Variants in CRYBB1 observed in about 807,000 individuals in gnomAD.
CRYBB1 encodes crystallin beta B1.
CRYBB1 carries 16 observed loss-of-function variants against 29.5 expected under a neutral mutation model. The observed-to-expected ratio is 0.54, with a 90% confidence interval of 0.37 to 0.82. The LOEUF is 0.82. Ranked by LOEUF, CRYBB1 falls within the 40% of genes least tolerant of loss-of-function variation. The pLI, the probability that CRYBB1 is intolerant of heterozygous loss-of-function variation, is 0.00. For synonymous variants in CRYBB1, 127 were observed against 136.7 expected (o/e 0.93, Z 0.49); for missense variants, 300 against 350.5 (o/e 0.86, Z 1.15).
chr22:26,607,032 T>C (rs997714525), intron 4 of CRYBB1, among the ~76,000 whole-genome samples: 5 of 149,262 alleles, frequency 3.3e-5, no homozygotes, highest in African/African-American at 5.0e-5. Flanking sequence ...TTTTTTTTTT[T>C]TTTTTTTTGA....
intron 4 of CRYBB1, 118 bp from the exon 5 acceptor site, chr22:26,602,139 A>G (rs927031762): frequency 1.5e-6 from 2 of 1,306,250 alleles, no homozygotes; most frequent in African/African-American, 2.9e-5. Context: ...CTGCTGGGGG[A>G]CTCTCCAGGG....
chr22:26,606,428 C>T (rs4820690), intron 4 of CRYBB1, among the ~76,000 whole-genome samples: 26,956 of 152,132 alleles, frequency 0.18, 3,136 homozygotes, highest in East Asian at 0.38. Flanking sequence ...TATGACACAT[C>T]TCCATTTAGC....
intron 2 of CRYBB1, among the ~76,000 whole-genome samples, chr22:26,614,196 T>C (rs774402389): frequency 1.3e-5 from 2 of 152,212 alleles, no homozygotes; most frequent in Non-Finnish European, 2.9e-5. Context: ...TGCCCTGTGA[T>C]ATTCTATTAC....
At chr22:26,617,038 C>T (rs939962420) in intron 1 of CRYBB1, among the ~76,000 whole-genome samples, 2 of 152,204 alleles carry the variant, frequency 1.3e-5, no homozygotes, top group South Asian at 2.1e-4. Flanking sequence ...AATGCATGCT[C>T]CCAGCTCCTT....
chr22:26,614,592 C>T (rs566168079), intron 2 of CRYBB1, among the ~76,000 whole-genome samples: 16 of 152,088 alleles, frequency 1.1e-4, no homozygotes, highest in East Asian at 3.9e-4. Context: ...AATGAATGGC[C>T]GGCAGTCATG....
chr22:26,599,517 A>G lies in CRYBB1; in HGVS notation c.732T>C (p.Pro244=), dbSNP rs150927400. 3.6e-5 allele frequency: 58 copies of G among 1,613,264 alleles called. No homozygotes were observed. Among genetic ancestry groups the G allele is most frequent in the Non-Finnish European group, 4.4e-5 (52 of 1,180,024 alleles). ...DKQWHLEGSF[P]VLATEPPK ...ACTTGGGGGGCTCTGTGGCCAGGAC[A>G]GGGAAGGACCCCTCGAGGTGCCACT... The change falls in exon 6 of 6, where the codon CCT becomes CCC. Residue 244 remains proline, a synonymous_variant. Coordinates refer to ENST00000647684, the MANE Select transcript of CRYBB1 (RefSeq NM_001887.4).
Position 26,599,329 on chromosome 22 carries a change from G to A in CRYBB1, c.*161C>T. On this transcript the variant is annotated 3_prime_UTR_variant, in exon 6 of 6. Transcript: ENST00000647684. ...TATCGTTGTAATTATTAAGAGCGAGGAAGTCACATCCCAGTAACTATGGGG... is the reference window on the plus strand; with the variant it reads ...TATCGTTGTAATTATTAAGAGCGAGAAAGTCACATCCCAGTAACTATGGGG... The A allele has an allele frequency of 6.1e-6, 4 of 656,802 alleles. No homozygotes were observed. 40.7% of individuals were successfully genotyped at this position (656,802 alleles called of 1,614,324 possible). A position where few individuals can be genotyped will look rare whatever the true frequency, so the allele number is the denominator to read the frequency against.
chr22:26,602,138 G>T, intron 4 of CRYBB1, 117 bp from the exon 5 acceptor site: 2 of 1,306,220 alleles, frequency 1.5e-6, no homozygotes, highest in Non-Finnish European at 1.1e-6. Flanking sequence ...GCTGCTGGGG[G>T]ACTCTCCAGG....
chr22:26,599,914 T>TG (rs1291161980), intron 5 of CRYBB1, among the ~76,000 whole-genome samples: 1 of 152,144 alleles, frequency 6.6e-6, no homozygotes, highest in East Asian at 1.9e-4. Flanking sequence ...TTAAGAGTGC[T>TG]GGGGGGGACC....
At chr22:26,617,678 CCTGT>C (rs980275911) in intron 1 of CRYBB1, among the ~76,000 whole-genome samples, 12 of 152,144 alleles carry the variant, frequency 7.9e-5, no homozygotes, top group South Asian at 2.1e-4. Context: ...TGCCTATCTG[CCTGT>C]CTGTTTCTCT....
Position 26,604,108 on chromosome 22 carries a change from G to T in CRYBB1, c.433-2087C>A, listed in dbSNP as rs180738303. ...ATCATGCACTGTTTTAGGCCCAAGGGTTTGAAGAGCCAAAGAGATGAACAG... is the reference window on the plus strand; with the variant it reads ...ATCATGCACTGTTTTAGGCCCAAGGTTTTGAAGAGCCAAAGAGATGAACAG... On this transcript the variant is annotated intron_variant, in intron 4 of 5. Coordinates refer to ENST00000647684, the MANE Select transcript of CRYBB1 (RefSeq NM_001887.4). Among the ~76,000 whole-genome samples the T allele has an allele frequency of 5.8e-4, 88 of 152,056 alleles. 1 individual carries two copies. In the East Asian group the frequency reaches 0.016, roughly 28 times the overall value.
rs200687318 is a variant in CRYBB1, at chr22:26,612,058, C to T, written c.299+14G>A. 1.8e-4 allele frequency: 287 copies of T among 1,586,954 alleles called. No homozygotes were observed. Among genetic ancestry groups the T allele is most frequent in the Middle Eastern group, 5.0e-4 (3 of 6,022 alleles). On this transcript the variant is annotated intron_variant, in intron 3 of 5. Transcript: ENST00000647684. ...TGTGGCAGAGAGTGTGCCCCTCCGCCGCCCAGTACTCACGGTCCCGCGGAG... is the reference window on the plus strand; with the variant it reads ...TGTGGCAGAGAGTGTGCCCCTCCGCTGCCCAGTACTCACGGTCCCGCGGAG...
At chr22:26,608,672 T>C (rs1269275918) in intron 3 of CRYBB1, among the ~76,000 whole-genome samples, 1 of 152,202 alleles carries the variant, frequency 6.6e-6, no homozygotes, top group Non-Finnish European at 1.5e-5. Flanking sequence ...GTTAGCAGGA[T>C]CATTTTAAAT....
intron 4 of CRYBB1, among the ~76,000 whole-genome samples, chr22:26,607,112 T>C (rs1458450238): frequency 2.0e-5 from 3 of 146,508 alleles, no homozygotes; most frequent in African/African-American, 7.6e-5. Context: ...AACCTCTGGC[T>C]CCCGGGTTCA....
Position 26,612,100 on chromosome 22 carries a change from C to G in CRYBB1, c.271G>C (p.Val91Leu). 1.9e-6 allele frequency: 3 copies of G among 1,613,774 alleles called. No homozygotes were observed. Among genetic ancestry groups the G allele is most frequent in the Non-Finnish European group, 2.5e-6 (3 of 1,179,916 alleles). Residue 91 changes from valine (V) to leucine (L), a missense_variant, in exon 3 of 6, where the codon GTG (valine) becomes CTG (leucine). Val to Leu is a conservative substitution (Grantham distance 32, BLOSUM62 1). Transcript: ENST00000647684. Reference protein sequence around the residue: ...SNLADRGFDRVRSIIVSAGPW... With the variant: ...SNLADRGFDRLRSIIVSAGPW... ...CCCGCGGAGACAATGATGCTGCGCA[C>G]ACGGTCGAAGCCACGGTCTGCCAGA...
intron 5 of CRYBB1, among the ~76,000 whole-genome samples, chr22:26,601,124 A>G (rs1372625941): frequency 6.6e-6 from 1 of 152,204 alleles, no homozygotes; most frequent in Non-Finnish European, 1.5e-5. Context: ...GAAAAAGGCC[A>G]TAGCCATGAT....
intron 4 of CRYBB1, 108 bp downstream of exon 4, chr22:26,607,781 C>G (rs956847304): frequency 2.0e-6 from 3 of 1,485,888 alleles, no homozygotes; most frequent in Admixed American, 1.7e-5. Flanking sequence ...GAGGCTGCCA[C>G]GCCTCCCTAC....
chr22:26,605,486 C>T (rs562913516), intron 4 of CRYBB1, among the ~76,000 whole-genome samples: 3 of 151,876 alleles, frequency 2.0e-5, no homozygotes, highest in Non-Finnish European at 4.4e-5. Flanking sequence ...CCATCCTGGC[C>T]AACATGATGA....
At chr22:26,600,400 T>C (rs578117836) in intron 5 of CRYBB1, among the ~76,000 whole-genome samples, 1 of 150,126 alleles carries the variant, frequency 6.7e-6, no homozygotes, top group East Asian at 1.9e-4. Flanking sequence ...AGACTCCATC[T>C]CAAAAAAAAA....
Sources: gnomAD v4.1 joint callset for allele counts (sites outside exome capture counted in the v4.1 genomes callset) on GRCh38, gnomAD v4.1.1 for gene constraint, MANE v1.5 for transcripts, NCBI Gene and HGNC (gene_info 2026-07-23, HGNC 2026-07-21) for gene names.